Variants in SLC35G1 observed in about 807,000 individuals in gnomAD.
SLC35G1 encodes the protein solute carrier family 35 member G1.
In SLC35G1, 10 loss-of-function variants were observed where a neutral mutation model predicts 17.1. The observed-to-expected ratio is 0.59, with a 90% CI of 0.36 to 0.99. SLC35G1 has a LOEUF of 0.99. Among genes scored for constraint, SLC35G1 ranks in the 50% least tolerant of loss-of-function variants. The pLI, the probability that SLC35G1 is intolerant of heterozygous loss-of-function variation, is 0.01. For missense variants in SLC35G1, 433 were observed against 468.4 expected, an observed-to-expected ratio of 0.92 and a Z score of 0.70; for synonymous variants, 185 against 181.1, an observed-to-expected ratio of 1.02 and a Z score of -0.18.
intron 2 of SLC35G1, among the ~76,000 whole-genome samples, chr10:93,899,410 T>C (rs1408466255): frequency 6.6e-6 from 1 of 152,088 alleles, no homozygotes; most frequent in East Asian, 1.9e-4. Context: ...AATTCCTCTT[T>C]TCCTTCCCTG....
rs775254436 is a variant in SLC35G1 at position 93,894,055 on chromosome 10, G to C, written c.22G>C (p.Gly8Arg). MRPQDST[G>R]VAELQEPGLP... ...CGAGATGCGGCCTCAGGACAGCACCGGGGTCGCGGAGCTCCAGGAGCCCGG... is the reference window on the plus strand; with the variant it reads ...CGAGATGCGGCCTCAGGACAGCACCCGGGTCGCGGAGCTCCAGGAGCCCGG... Residue 8 changes from glycine (G) to arginine (R), a missense_variant, in exon 1 of 3, where the codon GGG becomes CGG. By Grantham distance (125) the Gly-to-Arg change is moderately radical. Transcript: ENST00000427197. 2.0e-6 allele frequency: 3 copies of C among 1,480,918 alleles called. No homozygotes were observed. Among genetic ancestry groups the C allele is most frequent in the Non-Finnish European group, 2.7e-6 (3 of 1,124,026 alleles). 91.7% of individuals were successfully genotyped at this position (1,480,918 alleles called of 1,614,324 possible).
intron 1 of SLC35G1, among the ~76,000 whole-genome samples, chr10:93,897,889 T>C (rs1211834178): frequency 6.6e-6 from 1 of 152,232 alleles, no homozygotes. Flanking sequence ...CGTGAAAGCA[T>C]GAAAAGTTAA....
intron 1 of SLC35G1, among the ~76,000 whole-genome samples, chr10:93,895,879 A>G (rs1486729601): frequency 6.6e-6 from 1 of 152,172 alleles, no homozygotes; most frequent in South Asian, 2.1e-4. Context: ...CCTGTGCCTC[A>G]CATCCTCTGG....
rs766348966 is a variant in SLC35G1, at chr10:93,901,032, A to T, written c.640A>T (p.Met214Leu). The change falls in exon 3 of 3, where the codon ATG (methionine) becomes TTG (leucine). Residue 214 changes from methionine to leucine, a missense_variant. Physicochemically the swap from Met to Leu is conservative, Grantham distance 15. Transcript: ENST00000427197. ...TTTGTTTGGTTCCGACACTTCGGGG[A>T]TGGAAGAAAGCTATTCAGGCCACCT... The part of the protein sequence containing the change: ...PFLFGSDTSG[M>L]EESYSGHLKG... The T allele has an allele frequency of 6.2e-7, 1 of 1,614,068 alleles. No individual in the cohort carries two copies. Among genetic ancestry groups the T allele is most frequent in the Non-Finnish European group, 8.5e-7 (1 of 1,179,986 alleles).
intron 1 of SLC35G1, among the ~76,000 whole-genome samples, chr10:93,895,964 G>A (rs1488416945): frequency 6.6e-6 from 1 of 151,798 alleles, no homozygotes; most frequent in Non-Finnish European, 1.5e-5. Context: ...ATTCTATTTC[G>A]GTGGGTCTGA....
rs750126293 is a variant in SLC35G1 at position 93,894,163 on chromosome 10, A to G, written c.130A>G (p.Arg44Gly). The G allele has an allele frequency of 1.5e-5, 22 of 1,479,120 alleles. No individual in the cohort carries two copies. The African/African-American group carries it at 2.9e-4, about 20-fold the overall frequency. The allele number at this position is 1,479,120 out of a possible 1,614,324, so 91.6% of individuals were successfully genotyped here. ...AEAAGAPDRG[R>G]CWLCLSSPCC... ...GGCAGCTGGGGCGCCAGACCGCGGT[A>G]GGTGCTGGCTCTGCCTTTCCTCGCC... Residue 44 changes from arginine to glycine, a missense_variant, in exon 1 of 3, where the codon AGG becomes GGG. By Grantham distance (125) the Arg-to-Gly change is moderately radical. Transcript: ENST00000427197.
intron 1 of SLC35G1, among the ~76,000 whole-genome samples, chr10:93,895,731 T>A (rs2060323581): frequency 6.6e-6 from 1 of 152,214 alleles, no homozygotes; most frequent in Non-Finnish European, 1.5e-5. Flanking sequence ...TTTCAAGTTC[T>A]GGTTGGAACT....
At chr10:93,909,513 C>T (rs1258652510) in exon 3 of SLC35G1, 1 of 151,634 alleles carries the variant, frequency 6.6e-6, no homozygotes. Flanking sequence ...TTTTTATTCC[C>T]CAAATCTTTG....
Position 93,894,098 on chromosome 10 carries a change from A to G in SLC35G1, c.65A>G (p.Asp22Gly). Residue 22 changes from aspartate to glycine, a missense_variant, in exon 1 of 3, where the codon GAT becomes GGT. By Grantham distance (94) the Asp-to-Gly change is moderately conservative. Coordinates refer to ENST00000427197, the MANE Select transcript of SLC35G1 (RefSeq NM_001134658.3). Reference protein sequence around the residue: ...LQEPGLPLTDDAPPGATEEPA... With the variant: ...LQEPGLPLTDGAPPGATEEPA... ...GAGCCCGGGCTGCCGCTAACGGACG[A>G]TGCACCCCCGGGCGCCACTGAGGAG... 1.3e-5 allele frequency: 20 copies of G among 1,486,568 alleles called. No homozygotes were observed. Among genetic ancestry groups the G allele is most frequent in the Non-Finnish European group, 1.8e-5 (20 of 1,126,202 alleles). The allele number at this position is 1,486,568 out of a possible 1,614,324, so 92.1% of individuals were successfully genotyped here.
intron 2 of SLC35G1, 83 bp from the exon 3 acceptor site, chr10:93,900,669 T>A (rs972236305): frequency 1.6e-5 from 19 of 1,195,770 alleles, no homozygotes; most frequent in African/African-American, 4.6e-5. Context: ...TTAGTACTTT[T>A]AAAATAATGT....
At chr10:93,898,854 A>G in intron 2 of SLC35G1, 103 bp downstream of exon 2, 1 of 1,138,200 alleles carries the variant, frequency 8.8e-7, no homozygotes, top group Non-Finnish European at 1.2e-6. Flanking sequence ...TCATATACTT[A>G]CCAGTTCCTA....
At chr10:93,899,121 T>A (rs1266873590) in intron 2 of SLC35G1, among the ~76,000 whole-genome samples, 1 of 152,170 alleles carries the variant, frequency 6.6e-6, no homozygotes, top group East Asian at 1.9e-4. Context: ...GTATCAGAAG[T>A]TTTTTTAGAA....
At chr10:93,909,528 C>A (rs994009245) in exon 3 of SLC35G1, 1 of 151,764 alleles carries the variant, frequency 6.6e-6, no homozygotes, top group Admixed American at 6.6e-5. Flanking sequence ...TCTTTGGTAC[C>A]CTAGGCAGAT....
rs375873755 is a variant in SLC35G1, at chr10:93,901,199, CCT to C, written c.812_813del (p.Ser271CysfsTer63). On this transcript the variant is annotated frameshift_variant, in exon 3 of 3. Coordinates refer to ENST00000427197, the MANE Select transcript of SLC35G1 (RefSeq NM_001134658.3). LOFTEE classifies it high-confidence loss of function. ...TTGGCCTCGTTGAAAGTGTCATCAT[CCT>C]CTCTGTATTAGGAGAGTGGAGTCTG... ...VLGLVESVII[L>X]SVLGEWSLPY... The C allele has an allele frequency of 6.2e-7, 1 of 1,614,098 alleles. No individual in the cohort carries two copies. The highest frequency in any genetic ancestry group is 1.3e-5 in the African/African-American group (1 of 75,032).
intron 1 of SLC35G1, 82 bp downstream of exon 1, chr10:93,894,293 G>C: frequency 2.4e-6 from 3 of 1,249,436 alleles, no homozygotes; most frequent in Non-Finnish European, 3.1e-6. Context: ...CCCGCAACCC[G>C]GGCACAGTGC....
chr10:93,905,063 C>G (rs2060419813), downstream of SLC35G1, among the ~76,000 whole-genome samples: 1 of 152,162 alleles, frequency 6.6e-6, no homozygotes, highest in Non-Finnish European at 1.5e-5. Flanking sequence ...GTGTTACCAC[C>G]TTTCCAGTTC....
At position 93,894,039 on chromosome 10, in the gene SLC35G1, G is replaced by A; in HGVS notation, c.6G>A (p.Arg2=). 1.4e-6 allele frequency: 2 copies of A among 1,455,874 alleles called. No individual in the cohort carries two copies. The highest frequency in any genetic ancestry group is 1.3e-5 in the South Asian group (1 of 74,740). 90.2% of individuals were successfully genotyped at this position (1,455,874 alleles called of 1,614,324 possible). Residue 2 remains arginine, a synonymous_variant, in exon 1 of 3, where the codon CGG becomes CGA. Transcript: ENST00000427197. ...GGTAGAGCGCGTGCCGCGAGATGCG[G>A]CCTCAGGACAGCACCGGGGTCGCGG... M[R]PQDSTGVAEL...
In SLC35G1 at chr10:93,900,962, C is replaced by A; in HGVS notation, c.570C>A (p.Thr190=). The A allele has an allele frequency of 6.2e-7, 1 of 1,614,048 alleles. No individual in the cohort carries two copies. The highest frequency in any genetic ancestry group is 8.5e-7 in the Non-Finnish European group (1 of 1,179,988). The change falls in exon 3 of 3, where the codon ACC becomes ACA. Residue 190 remains threonine (T), a synonymous_variant. Transcript: ENST00000427197. The part of the protein sequence containing the change: ...EKYSPWDALF[T]VFTITGVILI... ...ATAGCCCTTGGGATGCTCTTTTCAC[C>A]GTGTTCACAATCACTGGAGTGATCC...
At chr10:93,894,768 A>G (rs2060314704) in intron 1 of SLC35G1, among the ~76,000 whole-genome samples, 1 of 152,218 alleles carries the variant, frequency 6.6e-6, no homozygotes. Context: ...AGAACAAGGC[A>G]TATCTTGTTA....
Sources: allele counts gnomAD v4.1 joint callset (sites outside exome capture counted in the v4.1 genomes callset), GRCh38; gene constraint gnomAD v4.1.1; transcripts MANE v1.5; gene names NCBI Gene and HGNC (gene_info 2026-07-23, HGNC 2026-07-21).